Variants in CCDC9 observed in about 807,000 individuals in gnomAD.
CCDC9 encodes coiled-coil domain containing 9, also known as coiled-coil domain-containing protein 9.
CCDC9 carries 52 observed loss-of-function variants against 65.6 expected under a neutral mutation model. The ratio of observed to expected loss-of-function variants is 0.79; its 90% CI spans 0.63 to 1.00. The LOEUF is 1.00. Among genes scored for constraint, CCDC9 ranks in the 50% least tolerant of loss-of-function variants. The pLI, the probability that CCDC9 is intolerant of heterozygous loss-of-function variation, is 0.00. For synonymous variants in CCDC9, 332 were observed against 280.3 expected (o/e 1.18, Z -1.84); for missense variants, 834 against 757.2 (o/e 1.10, Z -1.19).
intron 5 of CCDC9, among the ~76,000 whole-genome samples, chr19:47,263,093 C>T (rs544414365): frequency 6.6e-6 from 1 of 150,464 alleles, no homozygotes; most frequent in Non-Finnish European, 1.5e-5. Context: ...GAGTAAGACC[C>T]TGTCTCAAAA....
chr19:47,261,807 A>T (rs2059047820), intron 5 of CCDC9, among the ~76,000 whole-genome samples: 1 of 151,628 alleles, frequency 6.6e-6, no homozygotes, highest in African/African-American at 2.4e-5. Context: ...GATCACCTGA[A>T]GTCAGGAGTT....
chr19:47,258,498 G>T, intron 2 of CCDC9, 61 bp from the exon 3 acceptor site: 1 of 1,603,554 alleles, frequency 6.2e-7, no homozygotes, highest in South Asian at 1.1e-5. Flanking sequence ...GACCCTGGGG[G>T]AAAGTCCCTG....
Position 47,266,736 on chromosome 19 carries a change from C to T in CCDC9, c.846C>T (p.His282=), listed in dbSNP as rs1166605429. 4 of 1,612,146 alleles carry T rather than the reference C, an allele frequency of 2.5e-6. 1 individual carries two copies. Among genetic ancestry groups the T allele is most frequent in the South Asian group, 2.2e-5 (2 of 90,746 alleles). Residue 282 remains histidine (H), a synonymous_variant, in exon 8 of 12, where the codon CAC becomes CAT. Coordinates refer to ENST00000221922, the MANE Select transcript of CCDC9 (RefSeq NM_015603.3). ...TCGACCAGGAGCGGCTGCAGAGGCA[C>T]CGCAAGCCCACTGGCCAGTGGAGGC... The part of the protein sequence containing the change: ...EKIDQERLQR[H]RKPTGQWRRE...
intron 1 of CCDC9, among the ~76,000 whole-genome samples, chr19:47,257,259 T>C (rs2123434190): frequency 7.3e-6 from 1 of 137,856 alleles, no homozygotes; most frequent in East Asian, 2.2e-4. Context: ...GCCAGGCCAA[T>C]CGGAGGCGGG....
At chr19:47,265,781 G>A (rs1460811060) in intron 7 of CCDC9, among the ~76,000 whole-genome samples, 3 of 149,984 alleles carry the variant, frequency 2.0e-5, no homozygotes, top group East Asian at 2.0e-4. Flanking sequence ...TCCGACTCCC[G>A]GGTTCACACC....
At chr19:47,275,623 A>T, downstream of CCDC9, 1 of 477,060 alleles carries the variant, frequency 2.1e-6, no homozygotes, top group Non-Finnish European at 3.8e-6. Flanking sequence ...CTGAGCACAG[A>T]GCCCACAGCC....
chr19:47,270,941 G>A (rs2123480958), intron 10 of CCDC9, 141 bp from the exon 11 acceptor site: 1 of 742,746 alleles, frequency 1.3e-6, no homozygotes, highest in Non-Finnish European at 2.2e-6. Context: ...TGACACATGG[G>A]GACACACATC....
chr19:47,274,900 G>T, downstream of CCDC9: 2 of 1,277,016 alleles, frequency 1.6e-6, no homozygotes, highest in Non-Finnish European at 9.8e-7. Context: ...CTGCGGCGCG[G>T]AGCCGAGTGG....
At chr19:47,261,034 T>G (rs1193034034) in intron 5 of CCDC9, among the ~76,000 whole-genome samples, 195 bp downstream of exon 5, 4 of 151,872 alleles carry the variant, frequency 2.6e-5, no homozygotes, top group African/African-American at 9.7e-5. Context: ...TAGTTCCCCC[T>G]GTTCCTTCCC....
chr19:47,267,491 C>T (rs1265822847), intron 8 of CCDC9, among the ~76,000 whole-genome samples: 1 of 152,184 alleles, frequency 6.6e-6, no homozygotes, highest in African/African-American at 2.4e-5. Context: ...GTGGGTCCCG[C>T]TGGGCTTGGC....
At position 47,260,902 on chromosome 19, in the gene CCDC9, C is replaced by T. The variant is rs974861132; in HGVS notation, c.462+63C>T. On this transcript the variant is annotated intron_variant, in intron 5 of 11. Coordinates refer to ENST00000221922, the MANE Select transcript of CCDC9 (RefSeq NM_015603.3). Reference sequence around the variant, plus strand: ...TCTCTGTTGTCTGTTTCTGTTTTTTCCTCCTCTCAGATGCACATTTGTCCT... The same window carrying T: ...TCTCTGTTGTCTGTTTCTGTTTTTTTCTCCTCTCAGATGCACATTTGTCCT... 1.6e-4 allele frequency: 245 copies of T among 1,557,844 alleles called. 4 individuals are homozygous for T. In the South Asian group the frequency reaches 1.9e-3, roughly 12 times the overall value.
downstream of CCDC9, chr19:47,274,896 C>G: frequency 7.9e-7 from 1 of 1,259,958 alleles, no homozygotes; most frequent in Non-Finnish European, 9.9e-7. Context: ...CGGTCTGCGG[C>G]GCGGAGCCGA....
chr19:47,266,462 T>G, intron 7 of CCDC9, 149 bp from the exon 8 acceptor site: 1 of 1,245,570 alleles, frequency 8.0e-7, no homozygotes, highest in Non-Finnish European at 1.1e-6. Flanking sequence ...AGGGCCTCTG[T>G]GAGGAGGTGC....
At chr19:47,264,148 T>C (rs1440105990) in intron 5 of CCDC9, among the ~76,000 whole-genome samples, 1 of 152,236 alleles carries the variant, frequency 6.6e-6, no homozygotes, top group Non-Finnish European at 1.5e-5. Context: ...CCCAAAGTGC[T>C]GGGATTACAG....
intron 5 of CCDC9, among the ~76,000 whole-genome samples, chr19:47,263,227 G>A (rs776499241): frequency 1.3e-5 from 2 of 152,156 alleles, no homozygotes; most frequent in Non-Finnish European, 2.9e-5. Flanking sequence ...CACTATGATT[G>A]CGGCAACCTT....
downstream of CCDC9, chr19:47,275,326 C>A (rs1405343909): frequency 6.5e-7 from 1 of 1,545,760 alleles, no homozygotes; most frequent in African/African-American, 1.4e-5. Flanking sequence ...CCAGAGGCCG[C>A]GGAGGGGCGA....
At chr19:47,257,095 G>C (rs1277295807) in intron 1 of CCDC9, among the ~76,000 whole-genome samples, 2 of 151,372 alleles carry the variant, frequency 1.3e-5, no homozygotes, top group African/African-American at 4.9e-5. Context: ...GGTGGAGCCA[G>C]AAAGTTTCGT....
intron 3 of CCDC9, 147 bp downstream of exon 3, chr19:47,258,810 A>G (rs2059027685): frequency 4.7e-6 from 3 of 636,836 alleles, no homozygotes; most frequent in Non-Finnish European, 5.6e-6. Context: ...CCCTTCTTTC[A>G]TTCCATTATT....
Position 47,271,739 on chromosome 19 carries a change from GCGCGC to G in CCDC9, c.*62_*66del, listed in dbSNP as rs2059124639. The G allele has an allele frequency of 7.9e-5, 19 of 241,740 alleles. No individual in the cohort carries two copies. Among genetic ancestry groups the G allele is most frequent in the Middle Eastern group, 1.9e-3 (1 of 518 alleles). 15.0% of individuals were successfully genotyped at this position (241,740 alleles called of 1,614,324 possible). On this transcript the variant is annotated 3_prime_UTR_variant, in exon 12 of 12. Coordinates refer to ENST00000221922, the MANE Select transcript of CCDC9 (RefSeq NM_015603.3). Reference sequence around the variant, plus strand: ...TGTGTGTGTGTGTGTGTGTGCGCGCGCGCGCGCGCGCGCGCGCGCGCTAGAGGGGT... The same window carrying G: ...TGTGTGTGTGTGTGTGTGTGCGCGCGGCGCGCGCGCGCGCGCTAGAGGGGT...
Sources: allele counts gnomAD v4.1 joint callset (sites outside exome capture counted in the v4.1 genomes callset), GRCh38; gene constraint gnomAD v4.1.1; transcripts MANE v1.5; gene names NCBI Gene and HGNC (gene_info 2026-07-23, HGNC 2026-07-21).